Variants in ADGRG3 observed in about 807,000 individuals in gnomAD.
The protein encoded by ADGRG3 is G protein-coupled receptor 97.
A neutral mutation model predicts 54.3 loss-of-function variants in ADGRG3; 39 were observed. The observed-to-expected ratio is 0.72, with a 90% CI of 0.56 to 0.94. ADGRG3 has a LOEUF of 0.94. ADGRG3 is among the 40% of genes least tolerant of loss of function. The pLI is 0.00. For missense variants in ADGRG3, 654 were observed against 694.6 expected (o/e 0.94, Z 0.66); for synonymous variants, 312 against 290.0 (o/e 1.08, Z -0.77).
At chr16:57,673,513 G>A in intron 2 of ADGRG3, 45 bp downstream of exon 2, 2 of 1,568,168 alleles carry the variant, frequency 1.3e-6, no homozygotes, top group Non-Finnish European at 1.7e-6. Context: ...AAGCTGCTGG[G>A]AGGAGGACTA....
At position 57,676,150 on chromosome 16, in the gene ADGRG3, T is replaced by C. The variant is rs202192064; in HGVS notation, c.207-50T>C. 169 of 1,576,520 alleles carry C rather than the reference T, an allele frequency of 1.1e-4. 1 individual carries two copies. The East Asian group carries it at 2.5e-3, about 23-fold the overall frequency. On this transcript the variant is annotated intron_variant, in intron 2 of 11. Coordinates refer to ENST00000333493, the MANE Select transcript of ADGRG3 (RefSeq NM_170776.5). The stretch of plus-strand genomic sequence containing the variant: ...TCACCCCAGGAGCCTGATGAGTGAG[T>C]AACTCAGCCTGCAGGATCCTACCCT...
intron 8 of ADGRG3, among the ~76,000 whole-genome samples, chr16:57,681,745 A>G (rs78230025): frequency 7.9e-4 from 102 of 128,546 alleles, no homozygotes; most frequent in Admixed American, 1.1e-3. Context: ...AAAAAAAAAA[A>G]AGAGAGAGAG....
At chr16:57,680,658 C>T (rs767996023) in intron 8 of ADGRG3, 41 bp downstream of exon 8, 1 of 1,372,318 alleles carries the variant, frequency 7.3e-7, no homozygotes, top group Non-Finnish European at 1.0e-6. Flanking sequence ...CCCTCCCGCC[C>T]TCAAGGGAGG....
Position 57,680,337 on chromosome 16 carries a change from A to T in ADGRG3, c.740A>T (p.Asp247Val). Residue 247 changes from aspartate (D) to valine (V), a missense_variant, in exon 7 of 12, where the codon GAC (aspartate) becomes GTC (valine). Asp to Val is a radical substitution (Grantham distance 152). Coordinates refer to ENST00000333493, the MANE Select transcript of ADGRG3 (RefSeq NM_170776.5). Reference protein sequence around the residue: ...VRPEGTVCCCDHLTFFALLLR... With the variant: ...VRPEGTVCCCVHLTFFALLLR... The stretch of plus-strand genomic sequence containing the variant: ...CCTGAGGGGACCGTGTGCTGCTGTG[A>T]CCACCTGACCTTTTTCGCCCTGCTC... 1 of 1,611,374 alleles carries T rather than the reference A, an allele frequency of 6.2e-7. No individual in the cohort carries two copies. The highest frequency in any genetic ancestry group is 8.5e-7 in the Non-Finnish European group (1 of 1,179,276).
At chr16:57,685,604 T>C in intron 10 of ADGRG3, 39 bp from the exon 11 acceptor site, 1 of 1,600,886 alleles carries the variant, frequency 6.2e-7, no homozygotes, top group Non-Finnish European at 8.5e-7. Flanking sequence ...TGGCCAGAGG[T>C]ACCACTCCCA....
chr16:57,667,191 G>C (rs906465273), upstream of ADGRG3, among the ~76,000 whole-genome samples: 66 of 152,240 alleles, frequency 4.3e-4, no homozygotes, highest in African/African-American at 1.6e-3. Context: ...GAGACACTGA[G>C]TGGGAGGAGG....
At chr16:57,685,194 G>A (rs925302428) in intron 10 of ADGRG3, among the ~76,000 whole-genome samples, 8 of 152,188 alleles carry the variant, frequency 5.3e-5, no homozygotes, top group African/African-American at 1.7e-4. Flanking sequence ...CAAAAGCAGG[G>A]GCCCCAGGAG....
chr16:57,679,935 TGGCTGAG>T (rs1274867578), intron 6 of ADGRG3, 80 bp downstream of exon 6: 4 of 1,129,746 alleles, frequency 3.5e-6, no homozygotes, highest in African/African-American at 1.5e-5. Flanking sequence ...CTAGCTCCAC[TGGCTGAG>T]TCCCTCCCCT....
At chr16:57,668,485 C>T in intron 1 of ADGRG3, 80 bp downstream of exon 1, 1 of 1,328,548 alleles carries the variant, frequency 7.5e-7, no homozygotes, top group Non-Finnish European at 1.0e-6. Flanking sequence ...GGGACAGACG[C>T]AGGGACTGGA....
chr16:57,666,865 C>T (rs756184050), upstream of ADGRG3, among the ~76,000 whole-genome samples: 1 of 152,224 alleles, frequency 6.6e-6, no homozygotes, highest in Non-Finnish European at 1.5e-5. Flanking sequence ...CTGCGAGCCT[C>T]TCTGAGGGCC....
At chr16:57,684,902 A>T (rs1037312839) in intron 10 of ADGRG3, among the ~76,000 whole-genome samples, 4 of 152,294 alleles carry the variant, frequency 2.6e-5, no homozygotes, top group Non-Finnish European at 5.9e-5. Flanking sequence ...CCACCTGCCC[A>T]GTGATTCACA....
intron 8 of ADGRG3, 27 bp from the exon 9 acceptor site, chr16:57,683,905 C>G: frequency 6.6e-7 from 1 of 1,522,958 alleles, no homozygotes. Flanking sequence ...GCTGTGGCCC[C>G]TTGGGGCCTC....
chr16:57,678,826 C>T (rs956735672), intron 4 of ADGRG3: 6 of 372,118 alleles, frequency 1.6e-5, no homozygotes, highest in East Asian at 5.8e-5. Context: ...TGCACACTCA[C>T]GCTAAGACCC....
chr16:57,677,960 G>A (rs2048293048), intron 3 of ADGRG3, among the ~76,000 whole-genome samples: 1 of 152,192 alleles, frequency 6.6e-6, no homozygotes, highest in African/African-American at 2.4e-5. Context: ...GGAAAACCGA[G>A]GCTCCACAAG....
chr16:57,673,011 G>A (rs2048189023), intron 1 of ADGRG3, among the ~76,000 whole-genome samples: 1 of 152,240 alleles, frequency 6.6e-6, no homozygotes, highest in Non-Finnish European at 1.5e-5. Flanking sequence ...CAGACTCCCT[G>A]GAGGAAGGGG....
intron 9 of ADGRG3, 48 bp from the exon 10 acceptor site, chr16:57,684,342 A>G (rs2048432363): frequency 6.4e-7 from 1 of 1,573,690 alleles, no homozygotes. Context: ...TGGAGGAGGA[A>G]GTGCCAGTAA....
chr16:57,680,442 G>A, intron 7 of ADGRG3, 63 bp from the exon 8 acceptor site: 7 of 1,565,896 alleles, frequency 4.5e-6, no homozygotes, highest in Non-Finnish European at 4.4e-6. Flanking sequence ...GCTGCCTGGT[G>A]GTCTTTGGGT....
At chr16:57,678,771 CCT>C (rs1337109271) in intron 4 of ADGRG3, 11 of 321,786 alleles carry the variant, frequency 3.4e-5, no homozygotes, top group Non-Finnish European at 6.5e-5. Flanking sequence ...CGTGTGTACC[CCT>C]GAGGGCTAGT....
chr16:57,684,391 C>A lies in ADGRG3; in HGVS notation c.1164C>A (p.Gly388=), dbSNP rs1430110960. Reference sequence around the variant, plus strand: ...CATGCCATTTCCCCTTGTGCCCAGGCCTGCCCGCCCTGATGGTCATCGGCA... The same window carrying A: ...CATGCCATTTCCCCTTGTGCCCAGGACTGCCCGCCCTGATGGTCATCGGCA... ...YFLKLSLVGW[G]LPALMVIGTG... is the part of the protein sequence containing the mutation. Residue 388 remains glycine, a splice_region_variant and synonymous_variant, in exon 10 of 12, where the codon GGC becomes GGA. Transcript: ENST00000333493. 8 of 1,612,944 alleles carry A rather than the reference C, an allele frequency of 5.0e-6. No homozygotes were observed. The highest frequency in any genetic ancestry group is 6.8e-6 in the Non-Finnish European group (8 of 1,179,114).
Sources: gnomAD v4.1 joint callset for allele counts (sites outside exome capture counted in the v4.1 genomes callset) on GRCh38, gnomAD v4.1.1 for gene constraint, MANE v1.5 for transcripts, NCBI Gene and HGNC (gene_info 2026-07-23, HGNC 2026-07-21) for gene names.